The following LUC7L3 variants were observed in gnomAD, a reference collection of about 807,000 sequenced individuals.
The protein encoded by LUC7L3 is luc7-like protein 3.
LUC7L3 carries 6 observed loss-of-function variants against 66.8 expected under a neutral mutation model. The ratio of observed to expected loss-of-function variants is 0.09; its 90% CI spans 0.05 to 0.18. The LOEUF is 0.18. LUC7L3 is among the 10% of genes least tolerant of loss of function. The probability of loss-of-function intolerance (pLI) is 1.00; values close to 1 mark genes in which losing one functional copy is unlikely to be tolerated. For synonymous variants in LUC7L3, 160 were observed against 174.7 expected, an observed-to-expected ratio of 0.92 and a Z score of 0.66; for missense variants, 341 against 531.1, an observed-to-expected ratio of 0.64 and a Z score of 3.52.
At chr17:50,728,356 CAT>C (rs374773343) in intron 1 of LUC7L3, among the ~76,000 whole-genome samples, 1 of 152,082 alleles carries the variant, frequency 6.6e-6, no homozygotes, top group African/African-American at 2.4e-5. Context: ...ATAACTGAAA[CAT>C]AAAGCTATAT....
chr17:50,729,930 ATATATATAT>A (rs1567860613), intron 1 of LUC7L3, among the ~76,000 whole-genome samples: 1 of 32,520 alleles, frequency 3.1e-5, no homozygotes, highest in East Asian at 8.7e-4. Flanking sequence ...ATATATATAT[ATATATATAT>A]ATATATGTAT....
chr17:50,752,137 T>C lies in LUC7L3; in HGVS notation c.*1476T>C. 2.4e-6 allele frequency: 3 copies of C among 1,273,222 alleles called. No individual in the cohort carries two copies. The South Asian group carries it at 3.9e-5, about 16-fold the overall frequency. 78.9% of individuals were successfully genotyped at this position (1,273,222 alleles called of 1,614,324 possible). A position where few individuals can be genotyped will look rare whatever the true frequency, so the allele number is the denominator to read the frequency against. On this transcript the variant is annotated 3_prime_UTR_variant, in exon 10 of 10. Coordinates refer to ENST00000505658, the MANE Select transcript of LUC7L3 (RefSeq NM_016424.5). ...AGTTAGTGACTGGGCCAACACTTTC[T>C]CATAAAAATTGGCCTTTTACATGTT...
rs999406430 is a variant in LUC7L3 at position 50,744,573 on chromosome 17, T to C, written c.532-79T>C. 4.6e-6 allele frequency: 6 copies of C among 1,314,458 alleles called. No homozygotes were observed. The African/African-American group carries it at 8.9e-5, about 20-fold the overall frequency. 81.4% of individuals were successfully genotyped at this position (1,314,458 alleles called of 1,614,324 possible). On this transcript the variant is annotated intron_variant, in intron 6 of 9. Transcript: ENST00000505658. The stretch of plus-strand genomic sequence containing the variant: ...GAGCAATTCACACACATTAGAAATC[T>C]TTTCTAAATGTTGAGTACTTTCCTG...
chr17:50,746,428 A>T, intron 8 of LUC7L3, 114 bp from the exon 9 acceptor site: 2 of 892,966 alleles, frequency 2.2e-6, no homozygotes, highest in South Asian at 3.8e-5. Context: ...TTCTAATGTA[A>T]ATATGTTTTA....
At chr17:50,749,704 T>TA (rs1162209018) in intron 9 of LUC7L3, among the ~76,000 whole-genome samples, 1 of 152,214 alleles carries the variant, frequency 6.6e-6, no homozygotes, top group Non-Finnish European at 1.5e-5. Flanking sequence ...TAGTTGGCTT[T>TA]AACATTTTCT....
In LUC7L3 at chr17:50,741,698, T is replaced by A; in HGVS notation, c.393T>A (p.Val131=). 1 of 1,614,072 alleles carries A rather than the reference T, an allele frequency of 6.2e-7. No individual in the cohort carries two copies. The highest frequency in any genetic ancestry group is 8.5e-7 in the Non-Finnish European group (1 of 1,179,934). The part of the protein sequence containing the change: ...PTGKNEEKIQ[V]LTDKIDVLLQ... The stretch of plus-strand genomic sequence containing the variant: ...GCAAAAATGAAGAAAAAATTCAGGT[T>A]CTAACAGACAAAATTGATGTACTTC... The change falls in exon 5 of 10, where the codon GTT becomes GTA. Residue 131 remains valine (V), a synonymous_variant. Coordinates refer to ENST00000505658, the MANE Select transcript of LUC7L3 (RefSeq NM_016424.5).
chr17:50,731,395 T>C (rs779530864), intron 1 of LUC7L3, among the ~76,000 whole-genome samples: 29 of 152,074 alleles, frequency 1.9e-4, no homozygotes, highest in Non-Finnish European at 3.5e-4. Flanking sequence ...CTTGAACTCC[T>C]GACCTCAGGT....
At position 50,740,364 on chromosome 17, in the gene LUC7L3, C is replaced by T; in HGVS notation, c.206+19C>T. 6.2e-7 allele frequency: 1 copy of T among 1,604,622 alleles called. No individual in the cohort carries two copies. The highest frequency in any genetic ancestry group is 1.1e-5 in the South Asian group (1 of 88,894). ...GAAAACAGTAAGTTATTTTGCTTGT[C>T]ATTTCCACCCCCCCAGTTATTAGTT... On this transcript the variant is annotated intron_variant, in intron 3 of 9. Coordinates refer to ENST00000505658, the MANE Select transcript of LUC7L3 (RefSeq NM_016424.5).
rs993300308 is a variant in LUC7L3, at chr17:50,754,460, TA to T, written c.*3802del. 6.6e-6 allele frequency: 1 copy of T among 152,204 alleles called. No homozygotes were observed. 9.4% of individuals were successfully genotyped at this position (152,204 alleles called of 1,614,324 possible). A position where few individuals can be genotyped will look rare whatever the true frequency, so the allele number is the denominator to read the frequency against. On this transcript the variant is annotated 3_prime_UTR_variant, in exon 10 of 10. Transcript: ENST00000505658. ...GTATCTCTAAAAGACAAAGACCTCT[TA>T]AATAACAGTTCATTAGTATAAAACA... is the stretch of plus-strand genomic sequence containing the variant.
chr17:50,724,919 G>T (rs1969071762), intron 1 of LUC7L3, among the ~76,000 whole-genome samples: 1 of 151,760 alleles, frequency 6.6e-6, no homozygotes, highest in Admixed American at 6.6e-5. Context: ...ATGCCACCAT[G>T]CCTGACTAAT....
At chr17:50,741,441 CTTTGTT>C (rs1970341890) in intron 4 of LUC7L3, 195 bp downstream of exon 4, 1 of 718,304 alleles carries the variant, frequency 1.4e-6, no homozygotes, top group Non-Finnish European at 2.2e-6. Flanking sequence ...TAAGATTTTT[CTTTGTT>C]TTTATTTTTC....
At chr17:50,727,278 G>A (rs765921276) in intron 1 of LUC7L3, among the ~76,000 whole-genome samples, 1 of 152,086 alleles carries the variant, frequency 6.6e-6, no homozygotes, top group Admixed American at 6.6e-5. Context: ...AAGAAAAGAG[G>A]TTTATTTAGT....
At chr17:50,737,839 C>A (rs2083847117) in intron 2 of LUC7L3, among the ~76,000 whole-genome samples, 1 of 152,132 alleles carries the variant, frequency 6.6e-6, no homozygotes, top group Non-Finnish European at 1.5e-5. Context: ...ACTAGTTTAT[C>A]TGAACCACAA....
intron 1 of LUC7L3, among the ~76,000 whole-genome samples, chr17:50,731,039 G>A (rs752792521): frequency 7.9e-5 from 12 of 152,200 alleles, no homozygotes. Flanking sequence ...TAGGTATTTA[G>A]AGAGTTTGCA....
intron 1 of LUC7L3, among the ~76,000 whole-genome samples, 156 bp downstream of exon 1, chr17:50,719,987 T>C (rs1968628533): frequency 6.6e-6 from 1 of 152,190 alleles, no homozygotes; most frequent in Non-Finnish European, 1.5e-5. Context: ...GAGGATGCTG[T>C]CCGGACCCGG....
rs1220063806 is a variant in LUC7L3, at chr17:50,755,611, C to T, written c.*4950C>T. 2.0e-5 allele frequency: 3 copies of T among 152,128 alleles called. No individual in the cohort carries two copies. Among genetic ancestry groups the T allele is most frequent in the Admixed American group, 6.5e-5 (1 of 15,276 alleles). 9.4% of individuals were successfully genotyped at this position (152,128 alleles called of 1,614,324 possible). ...CAGCCATCCCAAATAGGTCATTTGT[C>T]AACAGATTTAAGAATGTTTAGAAAC... On this transcript the variant is annotated 3_prime_UTR_variant, in exon 10 of 10. Coordinates refer to ENST00000505658, the MANE Select transcript of LUC7L3 (RefSeq NM_016424.5).
chr17:50,726,955 G>C (rs1969230460), intron 1 of LUC7L3, among the ~76,000 whole-genome samples: 1 of 152,032 alleles, frequency 6.6e-6, no homozygotes, highest in South Asian at 2.1e-4. Context: ...CAGGCGTTGT[G>C]GCCGGTGCTT....
At chr17:50,749,701 C>T (rs1283968276) in intron 9 of LUC7L3, among the ~76,000 whole-genome samples, 2 of 152,096 alleles carry the variant, frequency 1.3e-5, no homozygotes, top group African/African-American at 4.8e-5. Context: ...TTCTAGTTGG[C>T]TTTAACATTT....
At chr17:50,724,403 C>G (rs1395831314) in intron 1 of LUC7L3, among the ~76,000 whole-genome samples, 1 of 151,962 alleles carries the variant, frequency 6.6e-6, no homozygotes, top group East Asian at 1.9e-4. Flanking sequence ...TTCCTGTAAT[C>G]CCAGCTACTC....
Sources: gnomAD v4.1 joint callset for allele counts (sites outside exome capture counted in the v4.1 genomes callset) on GRCh38, gnomAD v4.1.1 for gene constraint, MANE v1.5 for transcripts, NCBI Gene and HGNC (gene_info 2026-07-23, HGNC 2026-07-21) for gene names.